PDXP: variants seen among roughly 807,000 people sequenced by gnomAD.
PDXP encodes chronophin.
Under a neutral mutation model 14.4 loss-of-function variants are expected in PDXP, and 15 were observed. The ratio of observed to expected loss-of-function variants is 1.04; its 90% confidence interval spans 0.70 to 1.60. PDXP has a LOEUF of 1.60. Ranked by LOEUF, PDXP falls within the 40% of genes most tolerant of loss-of-function variation. The pLI is 0.00. For synonymous variants in PDXP, 233 were observed against 205.6 expected (o/e 1.13, Z -1.14); for missense variants, 413 against 427.6 (o/e 0.97, Z 0.30).
rs748333664 is a variant in PDXP, at chr22:37,658,882, G to C, written c.100G>C (p.Glu34Gln). 168 of 1,222,252 alleles carry C rather than the reference G, an allele frequency of 1.4e-4. No individual in the cohort carries two copies. The highest frequency in any genetic ancestry group is 1.6e-4 in the Non-Finnish European group (154 of 980,174). 75.7% of individuals were successfully genotyped at this position (1,222,252 alleles called of 1,614,324 possible). ...FDCDGVLWNG[E>Q]RAVPGAPELL... is the part of the protein sequence containing the mutation. ...CTGTGACGGGGTGCTGTGGAACGGC[G>C]AGCGCGCCGTGCCGGGCGCCCCGGA... The change falls in exon 1 of 2, where the codon GAG becomes CAG. Residue 34 changes from glutamate to glutamine, a missense_variant. By Grantham distance (29) the Glu-to-Gln change is conservative. Transcript: ENST00000215904.
chr22:37,665,703 G>T lies in PDXP; in HGVS notation c.723G>T (p.Glu241Asp). Residue 241 changes from glutamate to aspartate, a missense_variant, in exon 2 of 2, where the codon GAG becomes GAT. By Grantham distance (45) the Glu-to-Asp change is conservative (BLOSUM62 2). Transcript: ENST00000215904. ...CGCTTATGGTGGGTGACCGCCTGGA[G>T]ACCGACATCCTCTTTGGCCACCGCT... Reference protein sequence around the residue: ...ARTLMVGDRLETDILFGHRCG... With the variant: ...ARTLMVGDRLDTDILFGHRCG... The T allele has an allele frequency of 6.2e-7, 1 of 1,614,150 alleles. No homozygotes were observed. The highest frequency in any genetic ancestry group is 2.2e-5 in the East Asian group (1 of 44,882).
rs775308480 is a variant in PDXP at position 37,659,268 on chromosome 22, G to A, written c.486G>A (p.Ala162=). The change falls in exon 1 of 2, where the codon GCG becomes GCA. Residue 162 remains alanine (A), a synonymous_variant. Coordinates refer to ENST00000215904, the MANE Select transcript of PDXP (RefSeq NM_020315.5). The part of the protein sequence containing the change: ...EHFSFAKLRE[A]CAHLRDPECL... Reference sequence around the variant, plus strand: ...TCTCCTTCGCCAAGCTGAGGGAGGCGTGCGCGCACCTGCGCGACCCCGAGT... The same window carrying A: ...TCTCCTTCGCCAAGCTGAGGGAGGCATGCGCGCACCTGCGCGACCCCGAGT... 17 of 1,320,480 alleles carry A rather than the reference G, an allele frequency of 1.3e-5. No individual in the cohort carries two copies. Among genetic ancestry groups the A allele is most frequent in the African/African-American group, 1.5e-5 (1 of 66,780 alleles). The allele number at this position is 1,320,480 out of a possible 1,614,324, so 81.8% of individuals were successfully genotyped here.
At chr22:37,660,391 G>A (rs965408934) in intron 1 of PDXP, among the ~76,000 whole-genome samples, 1 of 152,194 alleles carries the variant, frequency 6.6e-6, no homozygotes, top group Non-Finnish European at 1.5e-5. Flanking sequence ...CCCCAATGAT[G>A]GGTGGGGCAG....
At chr22:37,662,575 A>G (rs1933226199) in intron 1 of PDXP, among the ~76,000 whole-genome samples, 1 of 152,246 alleles carries the variant, frequency 6.6e-6, no homozygotes, top group Non-Finnish European at 1.5e-5. Flanking sequence ...ACACACCTTC[A>G]TACAGGATTT....
intron 1 of PDXP, among the ~76,000 whole-genome samples, chr22:37,660,094 G>A (rs951368652): frequency 2.0e-5 from 3 of 152,186 alleles, no homozygotes; most frequent in Non-Finnish European, 4.4e-5. Context: ...TGAGGCGGGA[G>A]GATTGCTTGA....
rs1375068219 is a variant in PDXP, at chr22:37,658,736, G to C, written c.-47G>C. 1 of 1,107,212 alleles carries C rather than the reference G, an allele frequency of 9.0e-7. No homozygotes were observed. The allele number at this position is 1,107,212 out of a possible 1,614,324, so 68.6% of individuals were successfully genotyped here. A position where few individuals can be genotyped will look rare whatever the true frequency, so the allele number is the denominator to read the frequency against. ...GAACGTGCCAGGGAGAGCGCGCCGT[G>C]CCCGCGGAGAGAGCGCGGCGCGGGA... On this transcript the variant is annotated 5_prime_UTR_variant, in exon 1 of 2. Transcript: ENST00000215904.
At chr22:37,661,330 C>T (rs1035961168) in intron 1 of PDXP, among the ~76,000 whole-genome samples, 1 of 146,776 alleles carries the variant, frequency 6.8e-6, no homozygotes, top group African/African-American at 2.7e-5. Context: ...AGCTTTCAAA[C>T]AGTGTGGTGT....
rs1366573213 is a variant in PDXP, at chr22:37,666,812, C to T, written c.*941C>T. ...CCACCTCTCTCCCGTGCCCACTTGG[C>T]TATTTACTTATTTATTTATTGTGTG... On this transcript the variant is annotated 3_prime_UTR_variant, in exon 2 of 2. Transcript: ENST00000215904. 1 of 167,062 alleles carries T rather than the reference C, an allele frequency of 6.0e-6. No individual in the cohort carries two copies. The highest frequency in any genetic ancestry group is 1.5e-5 in the Non-Finnish European group (1 of 68,138). The allele number at this position is 167,062 out of a possible 1,614,324, so 10.3% of individuals were successfully genotyped here.
At chr22:37,664,988 C>A (rs576774932) in intron 1 of PDXP, 1 of 157,366 alleles carries the variant, frequency 6.4e-6, no homozygotes, top group South Asian at 1.9e-4. Context: ...AGGGGCTGTG[C>A]CAGTTTCTAA....
At chr22:37,664,413 G>A (rs945228427) in intron 1 of PDXP, among the ~76,000 whole-genome samples, 34 of 152,254 alleles carry the variant, frequency 2.2e-4, no homozygotes, top group African/African-American at 7.0e-4. Flanking sequence ...ACTCTTAATA[G>A]TACCTTCCTT....
At position 37,659,073 on chromosome 22, in the gene PDXP, C is replaced by G; in HGVS notation, c.291C>G (p.Arg97=). The G allele has an allele frequency of 9.1e-7, 1 of 1,100,676 alleles. No individual in the cohort carries two copies. Among genetic ancestry groups the G allele is most frequent in the Non-Finnish European group, 1.1e-6 (1 of 905,200 alleles). 68.2% of individuals were successfully genotyped at this position (1,100,676 alleles called of 1,614,324 possible). The change falls in exon 1 of 2, where the codon CGC becomes CGG. Residue 97 remains arginine (R), a synonymous_variant. Transcript: ENST00000215904. Reference sequence around the variant, plus strand: ...CGCTGTGCGCCGCGCGCCTGCTGCGCCAGCGCCTGCCCGGGCCTCCGGACG... The same window carrying G: ...CGCTGTGCGCCGCGCGCCTGCTGCGGCAGCGCCTGCCCGGGCCTCCGGACG... The part of the protein sequence containing the change: ...SSALCAARLL[R]QRLPGPPDAP...
In PDXP at chr22:37,665,997, C is replaced by A; in HGVS notation, c.*126C>A. Reference sequence around the variant, plus strand: ...GGTCCAGTTCTGCACCGGGGTGGGGCTGGGACCCGGGGAAGGTTTGAGGGC... The same window carrying A: ...GGTCCAGTTCTGCACCGGGGTGGGGATGGGACCCGGGGAAGGTTTGAGGGC... On this transcript the variant is annotated 3_prime_UTR_variant, in exon 2 of 2. Transcript: ENST00000215904. 9.6e-7 allele frequency: 1 copy of A among 1,044,424 alleles called. No homozygotes were observed. The highest frequency in any genetic ancestry group is 1.4e-6 in the Non-Finnish European group (1 of 721,386). 64.7% of individuals were successfully genotyped at this position (1,044,424 alleles called of 1,614,324 possible).
Position 37,665,543 on chromosome 22 carries a change from A to C in PDXP, c.575-12A>C. ...CCGCCCTCCTGCTGACTGCGTCTCC[A>C]TCTCCCTACAGGCACCGGGAGCCTG... On this transcript the variant is annotated splice_polypyrimidine_tract_variant and intron_variant, in intron 1 of 1. Coordinates refer to ENST00000215904, the MANE Select transcript of PDXP (RefSeq NM_020315.5). 1 of 1,589,136 alleles carries C rather than the reference A, an allele frequency of 6.3e-7. No individual in the cohort carries two copies. The highest frequency in any genetic ancestry group is 8.6e-7 in the Non-Finnish European group (1 of 1,168,998).
In PDXP at chr22:37,658,840, C is replaced by A; in HGVS notation, c.58C>A (p.Gln20Lys). The change falls in exon 1 of 2, where the codon CAG (glutamine) becomes AAG (lysine). Residue 20 changes from glutamine (Q) to lysine (K), a missense_variant. Transcript: ENST00000215904. Reference protein sequence around the residue: ...AALRDVLGRAQGVLFDCDGVL... With the variant: ...AALRDVLGRAKGVLFDCDGVL... ...CCTGCGCGACGTGCTGGGCCGGGCG[C>A]AGGGGGTCCTGTTCGACTGTGACGG... The A allele has an allele frequency of 8.3e-7, 1 of 1,199,806 alleles. No individual in the cohort carries two copies. Among genetic ancestry groups the A allele is most frequent in the African/African-American group, 1.6e-5 (1 of 63,266 alleles). 74.3% of individuals were successfully genotyped at this position (1,199,806 alleles called of 1,614,324 possible). A position where few individuals can be genotyped will look rare whatever the true frequency, so the allele number is the denominator to read the frequency against.
At chr22:37,660,978 GTC>G (rs1178178149) in intron 1 of PDXP, among the ~76,000 whole-genome samples, 1 of 152,198 alleles carries the variant, frequency 6.6e-6, no homozygotes, top group African/African-American at 2.4e-5. Context: ...TTCCCTATAA[GTC>G]TGTGTTGAGG....
Position 37,666,076 on chromosome 22 carries a change from G to T in PDXP, c.*205G>T, listed in dbSNP as rs576468779. 4.8e-6 allele frequency: 3 copies of T among 618,866 alleles called. No homozygotes were observed. In the East Asian group the frequency reaches 8.3e-5, roughly 17 times the overall value. The allele number at this position is 618,866 out of a possible 1,614,324, so 38.3% of individuals were successfully genotyped here. A position where few individuals can be genotyped will look rare whatever the true frequency, so the allele number is the denominator to read the frequency against. The stretch of plus-strand genomic sequence containing the variant: ...GGCACTCTTTGCTGCCCCAGAAGCT[G>T]GTCCCCTATGGATTCATCTTGGCCT... On this transcript the variant is annotated 3_prime_UTR_variant, in exon 2 of 2. Transcript: ENST00000215904.
chr22:37,658,832 G>A lies in PDXP; in HGVS notation c.50G>A (p.Gly17Asp). 1 of 1,193,418 alleles carries A rather than the reference G, an allele frequency of 8.4e-7. No homozygotes were observed. Among genetic ancestry groups the A allele is most frequent in the Non-Finnish European group, 1.0e-6 (1 of 962,698 alleles). 73.9% of individuals were successfully genotyped at this position (1,193,418 alleles called of 1,614,324 possible). A position where few individuals can be genotyped will look rare whatever the true frequency, so the allele number is the denominator to read the frequency against. ...LRGAALRDVL[G>D]RAQGVLFDCD... ...GGAGCGGCCCTGCGCGACGTGCTGG[G>A]CCGGGCGCAGGGGGTCCTGTTCGAC... The change falls in exon 1 of 2, where the codon GGC becomes GAC. Residue 17 changes from glycine to aspartate, a missense_variant. By Grantham distance (94) the Gly-to-Asp change is moderately conservative. Coordinates refer to ENST00000215904, the MANE Select transcript of PDXP (RefSeq NM_020315.5).
chr22:37,665,443 C>CAGCGGGCTTTCTGGCTCG (rs1569017374), intron 1 of PDXP, 112 bp from the exon 2 acceptor site: 1 of 839,626 alleles, frequency 1.2e-6, no homozygotes, highest in Non-Finnish European at 1.8e-6. Flanking sequence ...TTTCTGGCTC[C>CAGCGGGCTTTCTGGCTCG]TGTCAGCAGC....
At chr22:37,661,578 G>A (rs895658108) in intron 1 of PDXP, among the ~76,000 whole-genome samples, 7 of 152,174 alleles carry the variant, frequency 4.6e-5, no homozygotes, top group African/African-American at 1.7e-4. Context: ...GTGGATTACA[G>A]AGTGGAGGGG....
Sources: gnomAD v4.1 joint callset for allele counts (sites outside exome capture counted in the v4.1 genomes callset) on GRCh38, gnomAD v4.1.1 for gene constraint, MANE v1.5 for transcripts, NCBI Gene and HGNC (gene_info 2026-07-23, HGNC 2026-07-21) for gene names.